Variants in KLHL32 observed in about 807,000 individuals in gnomAD.
KLHL32 encodes kelch-like protein 32.
KLHL32 carries 35 observed loss-of-function variants against 64.8 expected under a neutral mutation model. That is an observed-to-expected ratio of 0.54 (90% CI 0.41 to 0.72). KLHL32 has a LOEUF of 0.72. Ranked by LOEUF, KLHL32 falls within the 30% of genes least tolerant of loss-of-function variation. The pLI, the probability that KLHL32 is intolerant of heterozygous loss-of-function variation, is 0.00. For synonymous variants in KLHL32, 259 were observed against 281.0 expected (o/e 0.92, Z 0.78); for missense variants, 589 against 768.5 (o/e 0.77, Z 2.76).
chr6:96,992,304 T>C (rs1433268997), intron 3 of KLHL32, among the ~76,000 whole-genome samples: 1 of 152,218 alleles, frequency 6.6e-6, no homozygotes, highest in Non-Finnish European at 1.5e-5. Context: ...ACTCACCGTT[T>C]CCTGGCTGTG....
At chr6:97,001,106 C>T (rs560260090) in intron 3 of KLHL32, among the ~76,000 whole-genome samples, 128 of 152,256 alleles carry the variant, frequency 8.4e-4, no homozygotes, top group African/African-American at 3.0e-3. Flanking sequence ...ATGGTAGATA[C>T]AAATAATCAT....
At chr6:97,023,776 T>G (rs942816646) in intron 3 of KLHL32, among the ~76,000 whole-genome samples, 1 of 152,140 alleles carries the variant, frequency 6.6e-6, no homozygotes. Context: ...GCCAGGAAAA[T>G]CCTTGGCTAA....
chr6:97,025,951 A>G (rs1265629851), intron 3 of KLHL32, among the ~76,000 whole-genome samples: 7 of 152,138 alleles, frequency 4.6e-5, no homozygotes, highest in African/African-American at 1.7e-4. Flanking sequence ...TTATCACACC[A>G]GAGCTATAGG....
chr6:97,113,460 TA>T (rs1797438154), intron 6 of KLHL32, among the ~76,000 whole-genome samples: 1 of 152,114 alleles, frequency 6.6e-6, no homozygotes. Flanking sequence ...GCATGAAACA[TA>T]AGGGAACAGG....
chr6:96,979,255 A>G (rs1035699585), intron 3 of KLHL32, among the ~76,000 whole-genome samples: 9 of 152,162 alleles, frequency 5.9e-5, no homozygotes, highest in African/African-American at 2.2e-4. Flanking sequence ...ATTATCTTCC[A>G]GGGTTTTTAT....
At chr6:96,911,216 G>A in the KLHL32 span, among the ~76,000 whole-genome samples, 1 of 152,170 alleles carries the variant, frequency 6.6e-6, no homozygotes, top group Non-Finnish European at 1.5e-5. Context: ...CTTATGAGTT[G>A]CTGACTGCAA....
chr6:97,030,332 G>A (rs1783353627), intron 3 of KLHL32, among the ~76,000 whole-genome samples: 1 of 152,216 alleles, frequency 6.6e-6, no homozygotes, highest in Non-Finnish European at 1.5e-5. Context: ...CAAGTAACAT[G>A]ACTCAAGAAA....
chr6:97,059,895 A>G (rs1265887950), intron 4 of KLHL32, among the ~76,000 whole-genome samples: 1 of 151,528 alleles, frequency 6.6e-6, no homozygotes, highest in Non-Finnish European at 1.5e-5. Flanking sequence ...CTGTAATACT[A>G]TACAGGAAAA....
At chr6:97,016,484 A>G (rs4839703) in intron 3 of KLHL32, among the ~76,000 whole-genome samples, 22,323 of 152,074 alleles carry the variant, frequency 0.15, 3,102 homozygotes, top group African/African-American at 0.34. Context: ...CCAATTTCTC[A>G]CTTTTGGAAC....
chr6:97,037,738 G>A lies in KLHL32; in HGVS notation c.205-3754G>A, dbSNP rs549658913. Among the ~76,000 whole-genome samples the A allele has an allele frequency of 2.1e-4, 32 of 152,066 alleles. 1 individual carries two copies. In the South Asian group the frequency reaches 6.4e-3, roughly 31 times the overall value. ...TAACCAAAGCCACCCTGAGCAAAAA[G>A]AACAAAGACATTACACTATCAGATA... On this transcript the variant is annotated intron_variant, in intron 3 of 10. Coordinates refer to ENST00000369261, the MANE Select transcript of KLHL32 (RefSeq NM_052904.4).
At chr6:97,093,011 G>A (rs1386181577) in intron 6 of KLHL32, among the ~76,000 whole-genome samples, 1 of 152,126 alleles carries the variant, frequency 6.6e-6, no homozygotes, top group Non-Finnish European at 1.5e-5. Context: ...GGTGATTTAT[G>A]AGATATGACA....
At chr6:96,977,690 G>A (rs537864491) in intron 3 of KLHL32, among the ~76,000 whole-genome samples, 2 of 152,252 alleles carry the variant, frequency 1.3e-5, no homozygotes, top group Non-Finnish European at 2.9e-5. Context: ...TGTTATTTAA[G>A]AGACAATATC....
chr6:97,139,057 A>T, intron 10 of KLHL32, 64 bp from the exon 11 acceptor site: 2 of 1,474,648 alleles, frequency 1.4e-6, no homozygotes, highest in Non-Finnish European at 1.8e-6. Flanking sequence ...TCTTTTATGT[A>T]TACATAGCTT....
chr6:96,989,515 C>G (rs1276165277), intron 3 of KLHL32, among the ~76,000 whole-genome samples: 2 of 152,116 alleles, frequency 1.3e-5, no homozygotes, highest in Admixed American at 6.5e-5. Context: ...CCCTTTATCT[C>G]TAGCTGCCTT....
chr6:97,040,741 G>C (rs1434281367), intron 3 of KLHL32, among the ~76,000 whole-genome samples: 1 of 152,168 alleles, frequency 6.6e-6, no homozygotes, highest in Non-Finnish European at 1.5e-5. Context: ...TCAAGGGAGA[G>C]ACCAGATGGA....
At chr6:97,065,490 A>G (rs1789602306) in intron 5 of KLHL32, among the ~76,000 whole-genome samples, 1 of 152,230 alleles carries the variant, frequency 6.6e-6, no homozygotes, top group Non-Finnish European at 1.5e-5. Flanking sequence ...CATCTTAGGC[A>G]GACAGCATGG....
the KLHL32 span, among the ~76,000 whole-genome samples, chr6:96,906,291 G>A: frequency 6.6e-6 from 1 of 152,204 alleles, no homozygotes; most frequent in African/African-American, 2.4e-5. Flanking sequence ...GTGATTAGTT[G>A]TGAAGCAATA....
upstream of KLHL32, among the ~76,000 whole-genome samples, chr6:96,920,559 A>C (rs1582338093): frequency 6.6e-6 from 1 of 151,952 alleles, no homozygotes; most frequent in South Asian, 2.1e-4. Flanking sequence ...AAAATGGAAA[A>C]ACACACACAA....
At chr6:96,898,905 T>C in the KLHL32 span, among the ~76,000 whole-genome samples, 1 of 152,202 alleles carries the variant, frequency 6.6e-6, no homozygotes, top group African/African-American at 2.4e-5. Flanking sequence ...TTTTTAGTGT[T>C]CTGATCTCTG....
Sources: allele counts gnomAD v4.1 joint callset (sites outside exome capture counted in the v4.1 genomes callset), GRCh38; gene constraint gnomAD v4.1.1; transcripts MANE v1.5; gene names NCBI Gene and HGNC (gene_info 2026-07-23, HGNC 2026-07-21).